The following CTNNA3 variants were observed in gnomAD, a reference collection of about 807,000 sequenced individuals.
CTNNA3 encodes the protein catenin alpha 3.
A neutral mutation model predicts 95.7 loss-of-function variants in CTNNA3; 76 were observed. The ratio of observed to expected loss-of-function variants is 0.79; its 90% CI spans 0.66 to 0.96. CTNNA3 has a LOEUF of 0.96. Ranked by LOEUF, CTNNA3 falls within the 40% of genes least tolerant of loss-of-function variation. The pLI is 0.00. For synonymous variants in CTNNA3, 431 were observed against 374.4 expected (o/e 1.15, Z -1.74); for missense variants, 1,191 against 1,089.8 (o/e 1.09, Z -1.31).
intron 17 of CTNNA3, among the ~76,000 whole-genome samples, chr10:65,950,748 T>C (rs545428833): frequency 7.9e-5 from 12 of 152,324 alleles, no homozygotes; most frequent in African/African-American, 2.9e-4. Context: ...AAATTCCTTT[T>C]GAATAATATG....
At chr10:66,563,612 A>C (rs1046859576) in intron 10 of CTNNA3, among the ~76,000 whole-genome samples, 1 of 152,130 alleles carries the variant, frequency 6.6e-6, no homozygotes, top group Non-Finnish European at 1.5e-5. Flanking sequence ...ATGTTGGGCA[A>C]ACCCTCCTCC....
At chr10:66,015,593 A>G (rs1387591494) in intron 15 of CTNNA3, among the ~76,000 whole-genome samples, 1 of 152,180 alleles carries the variant, frequency 6.6e-6, no homozygotes, top group Non-Finnish European at 1.5e-5. Context: ...AAGTTTGCCA[A>G]CTTTTTCGTT....
chr10:66,264,807 A>G (rs777639732), intron 13 of CTNNA3, among the ~76,000 whole-genome samples: 2 of 151,900 alleles, frequency 1.3e-5, no homozygotes, highest in Non-Finnish European at 2.9e-5. Flanking sequence ...TTCCAATAAC[A>G]TACTTCCTAT....
intron 11 of CTNNA3, among the ~76,000 whole-genome samples, chr10:66,510,016 C>A (rs1840599625): frequency 1.3e-5 from 2 of 151,980 alleles, no homozygotes. Context: ...AATATTAATT[C>A]TTTCAGTCCA....
At position 67,229,801 on chromosome 10, in the gene CTNNA3, A is replaced by G. The variant is rs1378460139; in HGVS notation, c.580-9931T>C. On this transcript the variant is annotated intron_variant, in intron 5 of 17. Coordinates refer to ENST00000433211, the MANE Select transcript of CTNNA3 (RefSeq NM_013266.4). ...AAAGACCTCTACAAGGAAAACTACA[A>G]AACACTGCTGAAAGAAATCACAGAC... Among the ~76,000 whole-genome samples, 3 of 152,326 alleles carry G rather than the reference A, an allele frequency of 2.0e-5. No homozygotes were observed. The East Asian group carries it at 5.8e-4, about 29-fold the overall frequency.
intron 9 of CTNNA3, among the ~76,000 whole-genome samples, chr10:66,632,964 G>A (rs1845198339): frequency 6.6e-6 from 1 of 152,032 alleles, no homozygotes; most frequent in South Asian, 2.1e-4. Context: ...CTCTTACTAA[G>A]CAGGATATTC....
chr10:67,628,862 T>G (rs1440363978), intron 2 of CTNNA3, among the ~76,000 whole-genome samples: 4 of 151,306 alleles, frequency 2.6e-5, no homozygotes, highest in Admixed American at 6.6e-5. Flanking sequence ...ATTCTGATGC[T>G]TTTTTTTTCT....
chr10:66,293,819 C>A (rs898798022), intron 12 of CTNNA3, among the ~76,000 whole-genome samples: 2 of 151,986 alleles, frequency 1.3e-5, no homozygotes, highest in African/African-American at 4.8e-5. Flanking sequence ...GCGCCTGCCA[C>A]CACGCCCGGC....
chr10:66,769,967 T>C (rs1840021679), intron 8 of CTNNA3, among the ~76,000 whole-genome samples: 1 of 152,198 alleles, frequency 6.6e-6, no homozygotes, highest in East Asian at 1.9e-4. Context: ...AAAACCCATC[T>C]AAACAGGTAC....
chr10:66,190,222 G>A (rs1010852323), intron 13 of CTNNA3, among the ~76,000 whole-genome samples: 1 of 152,082 alleles, frequency 6.6e-6, no homozygotes, highest in Non-Finnish European at 1.5e-5. Flanking sequence ...AACAGTAATA[G>A]GCAATTTCTC....
chr10:66,521,281 A>G (rs1204160968), intron 10 of CTNNA3, among the ~76,000 whole-genome samples: 1 of 152,098 alleles, frequency 6.6e-6, no homozygotes, highest in Non-Finnish European at 1.5e-5. Flanking sequence ...CTTTGTTACC[A>G]TAAGCTCCAT....
chr10:67,012,950 A>T (rs1008912077), intron 7 of CTNNA3: 4 of 152,156 alleles, frequency 2.6e-5, no homozygotes, highest in African/African-American at 7.2e-5. Flanking sequence ...TCATGATTTT[A>T]AAAAAACCAA....
chr10:66,479,950 TCACACACACACA>T, intron 11 of CTNNA3, among the ~76,000 whole-genome samples: 1 of 145,456 alleles, frequency 6.9e-6, no homozygotes, highest in South Asian at 2.2e-4. Context: ...ACCAAAGCAT[TCACACACACACA>T]CACACACACA....
intron 7 of CTNNA3, among the ~76,000 whole-genome samples, chr10:67,142,590 T>C (rs1564920224): frequency 6.6e-6 from 1 of 152,154 alleles, no homozygotes; most frequent in Non-Finnish European, 1.5e-5. Flanking sequence ...TGTAGCCTAT[T>C]AAGTGTGCGG....
chr10:67,571,700 G>A (rs539947917), intron 3 of CTNNA3, among the ~76,000 whole-genome samples: 1 of 152,114 alleles, frequency 6.6e-6, no homozygotes, highest in East Asian at 1.9e-4. Flanking sequence ...TGAAATCTAC[G>A]AGGGGGTGAG....
chr10:67,467,892 G>A (rs1013618965), intron 5 of CTNNA3, among the ~76,000 whole-genome samples: 2 of 151,552 alleles, frequency 1.3e-5, no homozygotes, highest in African/African-American at 4.8e-5. Context: ...TGTATTTTTT[G>A]TAGAGACTGA....
At chr10:67,637,193 T>A (rs1439242339) in intron 2 of CTNNA3, among the ~76,000 whole-genome samples, 2 of 152,124 alleles carry the variant, frequency 1.3e-5, no homozygotes. Flanking sequence ...CTGAAAACCA[T>A]GACACTAGAA....
At chr10:67,003,742 CTAGT>C (rs1195064441) in intron 7 of CTNNA3, among the ~76,000 whole-genome samples, 2 of 152,090 alleles carry the variant, frequency 1.3e-5, no homozygotes, top group African/African-American at 4.8e-5. Context: ...CCTCTAGAGA[CTAGT>C]TAGATTCTGG....
intron 2 of CTNNA3, among the ~76,000 whole-genome samples, chr10:67,644,955 GT>G (rs1839659522): frequency 6.6e-6 from 1 of 152,102 alleles, no homozygotes; most frequent in African/African-American, 2.4e-5. Context: ...TATGTAAAAG[GT>G]AATGAGTTCC....
Sources: gnomAD v4.1 joint callset for allele counts (sites outside exome capture counted in the v4.1 genomes callset) on GRCh38, gnomAD v4.1.1 for gene constraint, MANE v1.5 for transcripts, NCBI Gene and HGNC (gene_info 2026-07-23, HGNC 2026-07-21) for gene names.